The following TSPAN12 variants were observed in gnomAD, a reference collection of about 807,000 sequenced individuals.
TSPAN12 encodes tetraspanin 12, also known as tetraspanin-12.
In TSPAN12, 19 loss-of-function variants were observed where a neutral mutation model predicts 39.2. That is an observed-to-expected ratio of 0.49 (90% CI 0.34 to 0.71). TSPAN12 has a LOEUF of 0.71. Among genes scored for constraint, TSPAN12 ranks in the 30% least tolerant of loss-of-function variants. The pLI is 0.01. For missense variants in TSPAN12, 314 were observed against 359.9 expected, an observed-to-expected ratio of 0.87 and a Z score of 1.03; for synonymous variants, 119 against 124.8, an observed-to-expected ratio of 0.95 and a Z score of 0.31.
intron 7 of TSPAN12, among the ~76,000 whole-genome samples, chr7:120,805,566 A>T (rs963778185): frequency 2.0e-5 from 3 of 152,146 alleles, no homozygotes; most frequent in Non-Finnish European, 4.4e-5. Context: ...GGTACTTGAC[A>T]AGAGGTGTAT....
intron 6 of TSPAN12, among the ~76,000 whole-genome samples, chr7:120,807,760 C>T (rs529391194): frequency 1.3e-5 from 2 of 151,620 alleles, no homozygotes; most frequent in Non-Finnish European, 2.9e-5. Context: ...TTACACTGGC[C>T]TAAATGTCTG....
chr7:120,836,346 C>G (rs1029526190), intron 4 of TSPAN12, among the ~76,000 whole-genome samples: 4 of 151,998 alleles, frequency 2.6e-5, no homozygotes, highest in Admixed American at 6.5e-5. Flanking sequence ...AGGAGAGGCA[C>G]CCCAAAGGGA....
intron 2 of TSPAN12, among the ~76,000 whole-genome samples, chr7:120,841,349 A>T (rs1236442317): frequency 6.6e-6 from 1 of 152,228 alleles, no homozygotes; most frequent in African/African-American, 2.4e-5. Flanking sequence ...GGAAGCAATT[A>T]GCAAAATCAA....
At chr7:120,798,853 C>T (rs1388289864) in intron 7 of TSPAN12, among the ~76,000 whole-genome samples, 8 of 151,846 alleles carry the variant, frequency 5.3e-5, no homozygotes, top group African/African-American at 1.2e-4. Flanking sequence ...ATTTTCTGCA[C>T]GTGGCTTACA....
chr7:120,829,318 T>C (rs1794346444), intron 4 of TSPAN12, among the ~76,000 whole-genome samples: 2 of 152,156 alleles, frequency 1.3e-5, no homozygotes, highest in Admixed American at 1.3e-4. Context: ...GAAAAAGCTT[T>C]CTTTAATTCA....
chr7:120,804,805 T>A (rs997489612), intron 7 of TSPAN12, among the ~76,000 whole-genome samples: 1 of 152,034 alleles, frequency 6.6e-6, no homozygotes, highest in Non-Finnish European at 1.5e-5. Flanking sequence ...TGACTGTTGT[T>A]CTTATAAAAT....
At chr7:120,856,285 T>C (rs1171876979) in intron 2 of TSPAN12, among the ~76,000 whole-genome samples, 1 of 152,148 alleles carries the variant, frequency 6.6e-6, no homozygotes, top group Non-Finnish European at 1.5e-5. Context: ...ACAAAAAATA[T>C]ATTAAGACTT....
intron 2 of TSPAN12, among the ~76,000 whole-genome samples, chr7:120,845,436 C>T (rs1794652130): frequency 6.6e-6 from 1 of 152,204 alleles, no homozygotes; most frequent in Non-Finnish European, 1.5e-5. Flanking sequence ...CTTTTATGAT[C>T]TGCTTTCCTT....
chr7:120,799,527 T>A lies in TSPAN12; in HGVS notation c.612+7022A>T, dbSNP rs566466256. ...TTAATTAATTATATATAATTAATTA[T>A]ATATAATTATATATAATTATATATA... On this transcript the variant is annotated intron_variant, in intron 7 of 7. Coordinates refer to ENST00000222747, the MANE Select transcript of TSPAN12 (RefSeq NM_012338.4). Among the ~76,000 whole-genome samples the A allele has an allele frequency of 1.6e-4, 18 of 114,962 alleles. No individual in the cohort carries two copies. The East Asian group carries it at 3.2e-3, about 20-fold the overall frequency. The allele number at this position is 114,962 out of a possible 152,430, so 75.4% of individuals were successfully genotyped here.
rs1794911062 is a variant in TSPAN12 at position 120,858,036 on chromosome 7, GA to G, written c.-288del. ...AAAAAGTCCTGGGCAGCAGTTGCTG[GA>G]AAGTCTCTGCTAAGCCACCTCCCAG... On this transcript the variant is annotated 5_prime_UTR_variant, in exon 1 of 8. Coordinates refer to ENST00000222747, the MANE Select transcript of TSPAN12 (RefSeq NM_012338.4). The G allele has an allele frequency of 1.3e-5, 2 of 152,228 alleles. No individual in the cohort carries two copies. Among genetic ancestry groups the G allele is most frequent in the African/African-American group, 4.8e-5 (2 of 41,372 alleles). 9.4% of individuals were successfully genotyped at this position (152,228 alleles called of 1,614,324 possible).
rs770665133 is a variant in TSPAN12 at position 120,788,580 on chromosome 7, T to C, written c.*12A>G. 2.5e-6 allele frequency: 4 copies of C among 1,614,124 alleles called. No homozygotes were observed. In the South Asian group the frequency reaches 4.4e-5, roughly 18 times the overall value. ...AAAACAAGTTTGTGGTTTTCTTCTG[T>C]GACATTTCTTTTTATAACTCCTCCA... is the stretch of plus-strand genomic sequence containing the variant. On this transcript the variant is annotated 3_prime_UTR_variant, in exon 8 of 8. Transcript: ENST00000222747.
At chr7:120,805,131 T>G (rs1210654450) in intron 7 of TSPAN12, among the ~76,000 whole-genome samples, 1 of 152,136 alleles carries the variant, frequency 6.6e-6, no homozygotes, top group African/African-American at 2.4e-5. Context: ...CTTGGCACTC[T>G]CCTTTGGGGC....
chr7:120,797,039 C>T (rs1338716936), intron 7 of TSPAN12, among the ~76,000 whole-genome samples: 1 of 152,164 alleles, frequency 6.6e-6, no homozygotes, highest in South Asian at 2.1e-4. Flanking sequence ...CGCCTGTAGT[C>T]CCAGCTGCTC....
rs1308578162 is a variant in TSPAN12 at position 120,809,411 on chromosome 7, TAAAC to T, written c.468+1048_468+1051del. Among the ~76,000 whole-genome samples the T allele has an allele frequency of 2.0e-5, 3 of 152,170 alleles. No individual in the cohort carries two copies. In the East Asian group the frequency reaches 5.8e-4, roughly 29 times the overall value. On this transcript the variant is annotated intron_variant, in intron 6 of 7. Transcript: ENST00000222747. ...GTTTTTAGCACAAATATACAATAAA[TAAAC>T]AAAGTTAGGAAGCACTTAAATAAAC...
intron 5 of TSPAN12, among the ~76,000 whole-genome samples, chr7:120,812,072 T>A (rs1185146395): frequency 2.6e-5 from 4 of 152,176 alleles, no homozygotes; most frequent in Non-Finnish European, 5.9e-5. Flanking sequence ...AAAAATAATT[T>A]AAAAAGAAAG....
chr7:120,824,580 A>G (rs1326753096), intron 4 of TSPAN12, among the ~76,000 whole-genome samples: 1 of 152,148 alleles, frequency 6.6e-6, no homozygotes, highest in African/African-American at 2.4e-5. Flanking sequence ...GATAGTCTGA[A>G]TTTTGTTTGT....
chr7:120,799,279 G>A (rs1223626168), intron 7 of TSPAN12, among the ~76,000 whole-genome samples: 1 of 151,232 alleles, frequency 6.6e-6, no homozygotes, highest in African/African-American at 2.4e-5. Flanking sequence ...TAACTAGGTG[G>A]AGCTTGCCAG....
chr7:120,794,259 C>T (rs767617682), intron 7 of TSPAN12, among the ~76,000 whole-genome samples: 6 of 152,140 alleles, frequency 3.9e-5, no homozygotes, highest in African/African-American at 1.2e-4. Context: ...TCTTTGCTGA[C>T]TCATTAGGCA....
intron 2 of TSPAN12, among the ~76,000 whole-genome samples, chr7:120,854,872 T>C (rs921399417): frequency 5.9e-5 from 9 of 151,942 alleles, no homozygotes; most frequent in Non-Finnish European, 1.3e-4. Flanking sequence ...GCTGGAGAAA[T>C]AGGGAAGCAA....
Sources: gnomAD v4.1 joint callset for allele counts (sites outside exome capture counted in the v4.1 genomes callset) on GRCh38, gnomAD v4.1.1 for gene constraint, MANE v1.5 for transcripts, NCBI Gene and HGNC (gene_info 2026-07-23, HGNC 2026-07-21) for gene names.